Variants in PRKCZ observed in about 807,000 individuals in gnomAD.
The protein encoded by PRKCZ is protein kinase C zeta.
In PRKCZ, 33 loss-of-function variants were observed where a neutral mutation model predicts 79.5. The observed-to-expected ratio is 0.41, with a 90% CI of 0.31 to 0.55. The LOEUF (loss-of-function observed/expected upper bound fraction) is 0.55, where lower values mean the gene tolerates loss of function less well. Ranked by LOEUF, PRKCZ falls within the 20% of genes least tolerant of loss-of-function variation. PRKCZ has a pLI of 0.19. For missense variants in PRKCZ, 578 were observed against 813.5 expected, an observed-to-expected ratio of 0.71 and a Z score of 3.52; for synonymous variants, 342 against 320.9, an observed-to-expected ratio of 1.07 and a Z score of -0.70.
At chr1:2,049,319 TG>T (rs1659464167), upstream of PRKCZ, 1 of 150,550 alleles carries the variant, frequency 6.6e-6, no homozygotes, top group Non-Finnish European at 1.5e-5. Flanking sequence ...GATGGCTCGG[TG>T]GGTGGAGGGA....
rs1030428992 is a variant in PRKCZ at position 2,149,279 on chromosome 1, G to A, written c.687+355G>A. Among the ~76,000 whole-genome samples the A allele has an allele frequency of 2.0e-5, 3 of 152,202 alleles. No individual in the cohort carries two copies. The highest frequency in any genetic ancestry group is 4.4e-5 in the Non-Finnish European group (3 of 68,040). ...GTCTGCACCATGCCTTCCGAATTGT[G>A]TTGCCTCATTTGGCCATCCTGGCAA... On this transcript the variant is annotated intron_variant, in intron 8 of 17. Transcript: ENST00000378567. The surrounding 1 kb of genome is among the most constrained non-coding windows in gnomAD (Gnocchi z 4.1).
At chr1:2,180,944 A>G (rs1686484850) in intron 16 of PRKCZ, among the ~76,000 whole-genome samples, 1 of 152,184 alleles carries the variant, frequency 6.6e-6, no homozygotes, top group African/African-American at 2.4e-5. Flanking sequence ...GTGGCCGGCT[A>G]GTATGGCCAA....
chr1:2,081,812 A>G (rs1190223872), intron 4 of PRKCZ, among the ~76,000 whole-genome samples: 1 of 89,988 alleles, frequency 1.1e-5, no homozygotes, highest in Non-Finnish European at 2.4e-5. Flanking sequence ...CCCACACCCC[A>G]CCACTGCCGC....
At chr1:2,148,831 A>G (rs1440885892) in intron 7 of PRKCZ, 41 bp from the exon 8 acceptor site, 1 of 1,602,694 alleles carries the variant, frequency 6.2e-7, no homozygotes, top group Non-Finnish European at 8.5e-7. Context: ...TGCGTTCCTG[A>G]CCACACCGTA....
At chr1:2,132,494 T>C (rs1340763983) in intron 4 of PRKCZ, among the ~76,000 whole-genome samples, 2 of 152,020 alleles carry the variant, frequency 1.3e-5, no homozygotes, top group African/African-American at 4.8e-5. Context: ...TCGAAGGTGT[T>C]TGGGGCTGCG....
At chr1:2,159,741 A>G (rs1421310419) in intron 10 of PRKCZ, among the ~76,000 whole-genome samples, 2 of 152,176 alleles carry the variant, frequency 1.3e-5, no homozygotes, top group African/African-American at 2.4e-5. Flanking sequence ...CAGTTTTAAG[A>G]CACAATAAGC....
chr1:2,160,239 G>A (rs551120035), intron 10 of PRKCZ, among the ~76,000 whole-genome samples: 351 of 30,060 alleles, frequency 0.012, no homozygotes, highest in Non-Finnish European at 0.017. Context: ...AGCAGTGTGC[G>A]TGTGTGTGTG....
At chr1:2,074,467 C>T (rs1662022590) in intron 4 of PRKCZ, among the ~76,000 whole-genome samples, 1 of 152,148 alleles carries the variant, frequency 6.6e-6, no homozygotes, top group Admixed American at 6.5e-5. Context: ...CGGATGGCCG[C>T]TTCGTCTCCA....
chr1:2,055,178 G>A (rs966097095), intron 1 of PRKCZ, among the ~76,000 whole-genome samples: 6 of 151,748 alleles, frequency 4.0e-5, no homozygotes, highest in Non-Finnish European at 2.9e-5. Context: ...TCCTGACCTC[G>A]TGATCCACCC....
intron 4 of PRKCZ, among the ~76,000 whole-genome samples, chr1:2,071,887 C>T (rs1046010798): frequency 2.0e-5 from 3 of 152,158 alleles, no homozygotes; most frequent in Non-Finnish European, 4.4e-5. Context: ...TCTGAGCAGG[C>T]GTGGGCAGCA....
intron 4 of PRKCZ, among the ~76,000 whole-genome samples, chr1:2,092,117 CT>C (rs1665624369): frequency 6.6e-6 from 1 of 152,216 alleles, no homozygotes; most frequent in African/African-American, 2.4e-5. Context: ...CGCTTCTCCC[CT>C]AGATACTCCG....
chr1:2,065,786 G>T (rs1301439643), intron 4 of PRKCZ, among the ~76,000 whole-genome samples: 1 of 151,776 alleles, frequency 6.6e-6, no homozygotes, highest in Non-Finnish European at 1.5e-5. Flanking sequence ...GATGTCTGCT[G>T]TGGGTTTTTC....
chr1:2,137,201 G>A (rs1676387477), intron 5 of PRKCZ, among the ~76,000 whole-genome samples: 1 of 152,138 alleles, frequency 6.6e-6, no homozygotes, highest in African/African-American at 2.4e-5. Context: ...TAGGACGAGT[G>A]GCAGGAAGCA....
chr1:2,049,255 G>GT (rs1659460604), upstream of PRKCZ: 1 of 152,410 alleles, frequency 6.6e-6, no homozygotes, highest in East Asian at 1.9e-4. Flanking sequence ...GGCAGGAGAG[G>GT]TAGACAGGGA....
At chr1:2,104,987 G>A in intron 4 of PRKCZ, 3 of 940,356 alleles carry the variant, frequency 3.2e-6, no homozygotes, top group Non-Finnish European at 3.8e-6. Context: ...CAGCCACCCT[G>A]GCTTGTTGAC....
At position 2,094,053 on chromosome 1, in the gene PRKCZ, G is replaced by A. The variant is rs1665986706; in HGVS notation, c.334+34462G>A. Among the ~76,000 whole-genome samples, 1 of 152,160 alleles carries A rather than the reference G, an allele frequency of 6.6e-6. No homozygotes were observed. Among genetic ancestry groups the A allele is most frequent in the Admixed American group, 6.5e-5 (1 of 15,282 alleles). ...CACAGCACCTGCCAGCCCACTTTGG[G>A]TGACCCTCCTGTTTGTCCTGTCCTA... On this transcript the variant is annotated intron_variant, in intron 4 of 17. Coordinates refer to ENST00000378567, the MANE Select transcript of PRKCZ (RefSeq NM_002744.6). This position sits in a 1 kb window ranked among gnomAD's most constrained non-coding sequence, Gnocchi z 7.3.
Position 2,172,233 on chromosome 1 carries a change from G to T in PRKCZ, c.1197+43G>T, listed in dbSNP as rs1236449420. On this transcript the variant is annotated intron_variant, in intron 12 of 17. Coordinates refer to ENST00000378567, the MANE Select transcript of PRKCZ (RefSeq NM_002744.6). This position sits in a 1 kb window ranked among gnomAD's most constrained non-coding sequence, Gnocchi z 7.8. ...CCTCCCCTGACCATCCCGCATGTGC[G>T]TCTCGGGGCGCCTGTCCCGCGGGGT... The T allele has an allele frequency of 6.2e-7, 1 of 1,613,474 alleles. No homozygotes were observed.
In PRKCZ at chr1:2,174,527, G is replaced by T. The variant is rs564448087; in HGVS notation, c.1406-227G>T. ...ATCTTGGGGCTGAGGAAGGGGAGCT[G>T]CTGGTTCACGTCCGATCCTACGACA... On this transcript the variant is annotated intron_variant, in intron 14 of 17. Transcript: ENST00000378567. The surrounding 1 kb of genome is among the most constrained non-coding windows in gnomAD (Gnocchi z 6.2). Among the ~76,000 whole-genome samples, 1 of 152,250 alleles carries T rather than the reference G, an allele frequency of 6.6e-6. No homozygotes were observed. The highest frequency in any genetic ancestry group is 2.4e-5 in the African/African-American group (1 of 41,476).
chr1:2,156,130 T>A, intron 10 of PRKCZ, 38 bp downstream of exon 10: 1 of 1,549,338 alleles, frequency 6.5e-7, no homozygotes, highest in Non-Finnish European at 8.9e-7. Context: ...TTCTGCAGAT[T>A]TCAGATGTGA....
Sources: gnomAD v4.1 joint callset for allele counts (sites outside exome capture counted in the v4.1 genomes callset) on GRCh38, gnomAD v4.1.1 for gene constraint, Gnocchi (gnomAD v3.1) non-coding constraint, MANE v1.5 for transcripts, NCBI Gene and HGNC (gene_info 2026-07-23, HGNC 2026-07-21) for gene names.